PAX8: variants seen among roughly 807,000 people sequenced by gnomAD.
PAX8 encodes paired box protein Pax-8.
In PAX8, 15 loss-of-function variants were observed where a neutral mutation model predicts 52.4. That is an observed-to-expected ratio of 0.29 (90% CI 0.19 to 0.44). PAX8 has a LOEUF of 0.44. Ranked by LOEUF, PAX8 falls within the 20% of genes least tolerant of loss-of-function variation. The probability of loss-of-function intolerance (pLI) is 1.00; values close to 1 mark genes in which losing one functional copy is unlikely to be tolerated. For missense variants in PAX8, 554 were observed against 602.5 expected (o/e 0.92, Z 0.84); for synonymous variants, 284 against 249.7 (o/e 1.14, Z -1.29).
intron 4 of PAX8, 31 bp downstream of exon 4, chr2:113,244,396 G>T: frequency 6.3e-7 from 1 of 1,580,174 alleles, no homozygotes; most frequent in Non-Finnish European, 8.7e-7. Flanking sequence ...AGGGGCCCCA[G>T]CCTGACACCA....
chr2:113,235,268 G>C, intron 9 of PAX8, 126 bp downstream of exon 9: 1 of 784,674 alleles, frequency 1.3e-6, no homozygotes, highest in Admixed American at 3.0e-5. Flanking sequence ...AAAGTTGCCG[G>C]AGGAATTAGG....
chr2:113,267,825 A>G (rs1446246), intron 2 of PAX8: 1 of 151,972 alleles, frequency 6.6e-6, no homozygotes, highest in Non-Finnish European at 1.5e-5. Flanking sequence ...TAGTATGTTT[A>G]TGTGTGTGAG....
At chr2:113,253,384 A>C (rs1691939320) in intron 2 of PAX8, among the ~76,000 whole-genome samples, 1 of 152,120 alleles carries the variant, frequency 6.6e-6, no homozygotes, top group Non-Finnish European at 1.5e-5. Flanking sequence ...TTTCTATTGG[A>C]GATTTCCTCT....
intron 5 of PAX8, 118 bp from the exon 6 acceptor site, chr2:113,242,248 G>T: frequency 1.3e-6 from 1 of 788,626 alleles, no homozygotes; most frequent in Non-Finnish European, 2.1e-6. Flanking sequence ...AGAGGGAGAG[G>T]AGCAAGGGGT....
chr2:113,260,121 C>G (rs766158467), intron 2 of PAX8, among the ~76,000 whole-genome samples: 1 of 152,090 alleles, frequency 6.6e-6, no homozygotes, highest in Non-Finnish European at 1.5e-5. Flanking sequence ...TAATAATATT[C>G]CAGGCTGTGT....
intron 2 of PAX8, among the ~76,000 whole-genome samples, chr2:113,253,634 T>A (rs1028877555): frequency 6.6e-6 from 1 of 152,166 alleles, no homozygotes; most frequent in Non-Finnish European, 1.5e-5. Context: ...CGTATCTAGT[T>A]AACTCCTGCT....
Position 113,241,535 on chromosome 2 carries a change from G to A in PAX8, c.777+16C>T. The A allele has an allele frequency of 6.3e-7, 1 of 1,595,146 alleles. No individual in the cohort carries two copies. ...CCTTGCCCACCCTGTTCACCTCCCA[G>A]GGCCCAGCTTCTCACCTGCTCGCCT... On this transcript the variant is annotated intron_variant, in intron 7 of 11. Coordinates refer to ENST00000429538, the MANE Select transcript of PAX8 (RefSeq NM_003466.4).
At chr2:113,278,208 G>A (rs562553375) in intron 2 of PAX8, among the ~76,000 whole-genome samples, 162 bp downstream of exon 2, 59 of 152,316 alleles carry the variant, frequency 3.9e-4, no homozygotes, top group African/African-American at 1.3e-3. Context: ...ACAGCGAGGC[G>A]GCTCCAGCGG....
intron 2 of PAX8, chr2:113,270,211 G>A (rs1291849724): frequency 2.6e-5 from 4 of 152,186 alleles, no homozygotes; most frequent in Non-Finnish European, 4.4e-5. Flanking sequence ...GAAATACTAC[G>A]ACAATGGGAC....
Position 113,244,517 on chromosome 2 carries a change from G to C in PAX8, c.299C>G (p.Pro100Arg). 1 of 1,614,186 alleles carries C rather than the reference G, an allele frequency of 6.2e-7. No homozygotes were observed. The highest frequency in any genetic ancestry group is 8.5e-7 in the Non-Finnish European group (1 of 1,180,004). ...EKIGDYKRQN[P>R]TMFAWEIRDR... ...TCGGATCTCCCAGGCAAACATGGTAGGGTTCTGGCGTTTGTAGTCCCCAAT... is the reference window on the plus strand; with the variant it reads ...TCGGATCTCCCAGGCAAACATGGTACGGTTCTGGCGTTTGTAGTCCCCAAT... Residue 100 changes from proline (P) to arginine (R), a missense_variant, in exon 4 of 12, where the codon CCT becomes CGT. Pro to Arg is a moderately radical substitution (Grantham distance 103, BLOSUM62 -2). Transcript: ENST00000429538.
Position 113,278,532 on chromosome 2 carries a change from C to T in PAX8, c.-75-63G>A, listed in dbSNP as rs1377927962. On this transcript the variant is annotated intron_variant, in intron 1 of 11. Coordinates refer to ENST00000429538, the MANE Select transcript of PAX8 (RefSeq NM_003466.4). The stretch of plus-strand genomic sequence containing the variant: ...GATTCGATGCCTGCATCCTCAGGCC[C>T]CCTCCCCAGGCCTCATCCTTTACAC... 1.3e-5 allele frequency: 18 copies of T among 1,342,340 alleles called. No individual in the cohort carries two copies. The East Asian group carries it at 4.0e-4, about 30-fold the overall frequency. 83.2% of individuals were successfully genotyped at this position (1,342,340 alleles called of 1,614,324 possible).
chr2:113,278,314 G>T, intron 2 of PAX8, 56 bp downstream of exon 2: 5 of 1,358,212 alleles, frequency 3.7e-6, no homozygotes, highest in Middle Eastern at 1.8e-4. Flanking sequence ...CCGAGCGCAC[G>T]CACGGACGCT....
chr2:113,226,559 G>C, intron 10 of PAX8: 16 of 1,005,588 alleles, frequency 1.6e-5, no homozygotes, highest in Non-Finnish European at 1.9e-5. Flanking sequence ...AGCTACTCCA[G>C]GCTCATTTCA....
In PAX8 at chr2:113,246,832, G is replaced by A; in HGVS notation, c.113C>T (p.Ala38Val). 1.2e-6 allele frequency: 2 copies of A among 1,614,218 alleles called. No homozygotes were observed. The highest frequency in any genetic ancestry group is 1.7e-6 in the Non-Finnish European group (2 of 1,180,016). Reference sequence around the variant, plus strand: ...GTCGCAGGGCCTTACACCCTGGTGGGCCAGGTCTACGATGCGCTGGCGGAC... The same window carrying A: ...GTCGCAGGGCCTTACACCCTGGTGGACCAGGTCTACGATGCGCTGGCGGAC... Reference protein sequence around the residue: ...EVVRQRIVDLAHQGVRPCDIS... With the variant: ...EVVRQRIVDLVHQGVRPCDIS... Residue 38 changes from alanine (A) to valine (V), a missense_variant, in exon 3 of 12, where the codon GCC becomes GTC. Transcript: ENST00000429538.
At chr2:113,268,665 T>A (rs1304597471) in intron 2 of PAX8, 1 of 152,016 alleles carries the variant, frequency 6.6e-6, no homozygotes, top group Non-Finnish European at 1.5e-5. Flanking sequence ...CTAGGAGACC[T>A]TGGGGAGGTG....
intron 2 of PAX8, chr2:113,250,712 T>C (rs1006489934): frequency 6.6e-6 from 1 of 152,234 alleles, no homozygotes; most frequent in African/African-American, 2.4e-5. Context: ...TTGTATATTA[T>C]GGTTTTCATT....
Position 113,227,187 on chromosome 2 carries a change from T to G in PAX8, c.1157A>C (p.Tyr386Ser). ...CATGCCTGCGATGGCAGAGGAGGCA[T>G]AGCTGCCCTGTCCGCTGGTGGGGAT... ...PHIPTSGQGS[Y>S]ASSAIAGMVA... The change falls in exon 10 of 12, where the codon TAT (tyrosine) becomes TCT (serine). Residue 386 changes from tyrosine to serine, a missense_variant. Transcript: ENST00000429538. 1 of 1,607,972 alleles carries G rather than the reference T, an allele frequency of 6.2e-7. No individual in the cohort carries two copies.
intron 11 of PAX8, among the ~76,000 whole-genome samples, chr2:113,219,486 G>A (rs1476231640): frequency 6.6e-6 from 1 of 152,244 alleles, no homozygotes; most frequent in Admixed American, 6.5e-5. Flanking sequence ...GAGGGGTGAA[G>A]AGAAGCCTGG....
chr2:113,255,137 G>C (rs1423856532), intron 2 of PAX8, among the ~76,000 whole-genome samples: 3 of 148,148 alleles, frequency 2.0e-5, no homozygotes, highest in Non-Finnish European at 4.5e-5. Flanking sequence ...AGGAAGGAAG[G>C]AAGGAAGGAA....
Sources: allele counts gnomAD v4.1 joint callset (sites outside exome capture counted in the v4.1 genomes callset), GRCh38; gene constraint gnomAD v4.1.1; transcripts MANE v1.5; gene names NCBI Gene and HGNC (gene_info 2026-07-23, HGNC 2026-07-21).